USP28: variants seen among roughly 807,000 people sequenced by gnomAD.
USP28 encodes ubiquitin specific peptidase 28.
In USP28, 113 loss-of-function variants were observed where a neutral mutation model predicts 145.0. That is an observed-to-expected ratio of 0.78 (90% CI 0.67 to 0.91). USP28 has a LOEUF of 0.91. USP28 is among the 40% of genes least tolerant of loss of function. The probability of loss-of-function intolerance (pLI) is 0.00; values close to 1 mark genes in which losing one functional copy is unlikely to be tolerated. For synonymous variants in USP28, 447 were observed against 450.9 expected (o/e 0.99, Z 0.11); for missense variants, 1,201 against 1,289.6 (o/e 0.93, Z 1.05).
At chr11:113,862,918 C>G (rs982470773) in intron 1 of USP28, among the ~76,000 whole-genome samples, 1 of 152,014 alleles carries the variant, frequency 6.6e-6, no homozygotes, top group South Asian at 2.1e-4. Flanking sequence ...ATAAAAAAAC[C>G]AAGAGTTAAG....
At chr11:113,815,096 G>A (rs1422443681) in intron 14 of USP28, 78 bp downstream of exon 14, 5 of 1,251,300 alleles carry the variant, frequency 4.0e-6, no homozygotes, top group Non-Finnish European at 5.7e-6. Context: ...GTCAGGAAGT[G>A]TACCGAGGTG....
chr11:113,803,735 G>A, intron 22 of USP28, 63 bp downstream of exon 23: 3 of 1,338,214 alleles, frequency 2.2e-6, no homozygotes, highest in East Asian at 2.3e-5. Flanking sequence ...GTATTCCCAG[G>A]TAGGCATCTA....
intron 2 of USP28, among the ~76,000 whole-genome samples, chr11:113,853,782 G>C (rs1591431885): frequency 6.6e-6 from 1 of 151,562 alleles, no homozygotes; most frequent in Non-Finnish European, 1.5e-5. Context: ...GGCTGACTGA[G>C]GTGGGAGAAC....
At chr11:113,815,369 T>C in exon 14 of USP28, 1 of 1,614,156 alleles carries the variant, frequency 6.2e-7, no homozygotes, top group Non-Finnish European at 8.5e-7. Flanking sequence ...TGAGAAGAGC[T>C]TTCTGTACTT....
chr11:113,825,566 T>C (rs1026586680), intron 11 of USP28, among the ~76,000 whole-genome samples: 1 of 152,214 alleles, frequency 6.6e-6, no homozygotes, highest in Non-Finnish European at 1.5e-5. Context: ...GGCAGCTTCA[T>C]TCATAATAGC....
At chr11:113,823,751 A>G in intron 11 of USP28, 51 bp from the exon 12 acceptor site, 1 of 1,425,062 alleles carries the variant, frequency 7.0e-7, no homozygotes, top group South Asian at 1.3e-5. Flanking sequence ...CATTAATGAC[A>G]TAAAGTCTCA....
At chr11:113,836,086 A>G (rs1216371298) in intron 5 of USP28, among the ~76,000 whole-genome samples, 5 of 152,216 alleles carry the variant, frequency 3.3e-5, no homozygotes, top group Non-Finnish European at 5.9e-5. Flanking sequence ...CAAAACAAAA[A>G]AAAAGAAAAA....
intron 11 of USP28, 24 bp downstream of exon 11, chr11:113,827,205 GAAAA>G: frequency 8.4e-7 from 1 of 1,186,502 alleles, no homozygotes. Flanking sequence ...AATACCTCAG[GAAAA>G]AAAAAAATCA....
intron 11 of USP28, among the ~76,000 whole-genome samples, chr11:113,824,404 G>A (rs1029659216): frequency 5.9e-5 from 9 of 151,826 alleles, no homozygotes; most frequent in African/African-American, 1.5e-4. Context: ...TGTGACCTCC[G>A]CCTCCCGGGT....
chr11:113,809,904 G>A (rs757467248), intron 16 of USP28, among the ~76,000 whole-genome samples: 4 of 152,078 alleles, frequency 2.6e-5, no homozygotes, highest in African/African-American at 7.2e-5. Flanking sequence ...GCGTGGTGGC[G>A]CATGCCTGTA....
rs540812445 is a variant in USP28 at position 113,822,117 on chromosome 11, T to G, written c.1283+1488A>C. 7.9e-5 allele frequency among the ~76,000 whole-genome samples: 12 copies of G among 152,342 alleles called. No homozygotes were observed. In the East Asian group the frequency reaches 1.3e-3, roughly 17 times the overall value. On this transcript the variant is annotated intron_variant, in intron 12 of 24. Transcript: ENST00000003302. ...ATAAAACATCAGGTATTCTCATTTC[T>G]TTTATGTTGTTGTGAAAAGATGGGG...
intron 1 of USP28, among the ~76,000 whole-genome samples, chr11:113,863,146 A>G (rs1218041833): frequency 6.6e-6 from 1 of 152,202 alleles, no homozygotes; most frequent in African/African-American, 2.4e-5. Context: ...AATCCCAAAG[A>G]TTCTGCAAAA....
intron 8 of USP28, among the ~76,000 whole-genome samples, 153 bp downstream of exon 8, chr11:113,831,767 A>G (rs542821076): frequency 6.0e-4 from 91 of 152,196 alleles, no homozygotes; most frequent in African/African-American, 2.0e-3. Context: ...TGAAGGCGAC[A>G]GGGATACATG....
chr11:113,874,920 T>A, intron 1 of USP28: 1 of 1,000,148 alleles, frequency 1.0e-6, no homozygotes, highest in Non-Finnish European at 1.2e-6. Flanking sequence ...CTGCGCTGTT[T>A]TGTTTTTAAA....
chr11:113,803,309 C>T lies in USP28; in HGVS notation c.2739-28G>A, dbSNP rs748951030. ...TAGAAAAATGGGAGATAAACAACAG[C>T]TGAGTGCTCTTTTACTAAAATCTAG... On this transcript the variant is annotated intron_variant, in intron 22 of 24. Transcript: ENST00000003302. 3.2e-6 allele frequency: 5 copies of T among 1,584,598 alleles called. No homozygotes were observed. In the Admixed American group the frequency reaches 5.5e-5, roughly 18 times the overall value.
intron 3 of USP28, among the ~76,000 whole-genome samples, chr11:113,850,163 T>A (rs1252584494): frequency 6.6e-6 from 1 of 152,092 alleles, no homozygotes; most frequent in African/African-American, 2.4e-5. Context: ...AAAGAGAGTA[T>A]AAATAGGTAA....
intron 1 of USP28, chr11:113,859,579 G>A (rs1282187977): frequency 2.6e-5 from 4 of 151,714 alleles, no homozygotes; most frequent in South Asian, 2.1e-4. Flanking sequence ...AACAGAACCC[G>A]CACTCCAAAT....
chr11:113,852,399 A>G (rs1946567902), intron 3 of USP28, 102 bp downstream of exon 3: 2 of 1,456,544 alleles, frequency 1.4e-6, no homozygotes, highest in Admixed American at 3.7e-5. Flanking sequence ...TATTACTATT[A>G]TTTTCAAAGG....
chr11:113,833,522 C>A (rs1286844502), exon 7 of USP28: 2 of 1,614,126 alleles, frequency 1.2e-6, no homozygotes, highest in Admixed American at 1.7e-5. Context: ...CAAACAAATA[C>A]TGAAGCTCTT....
Sources: allele counts gnomAD v4.1 joint callset (sites outside exome capture counted in the v4.1 genomes callset), GRCh38; gene constraint gnomAD v4.1.1; transcripts MANE v1.5; gene names NCBI Gene and HGNC (gene_info 2026-07-23, HGNC 2026-07-21).